The following WDR93 variants were observed in gnomAD, a reference collection of about 807,000 sequenced individuals.
WDR93 encodes the protein WD repeat domain 93.
WDR93 carries 73 observed loss-of-function variants against 82.9 expected under a neutral mutation model. The ratio of observed to expected loss-of-function variants is 0.88; its 90% CI spans 0.73 to 1.07. The LOEUF is 1.07. Ranked by LOEUF, WDR93 falls within the 50% of genes least tolerant of loss-of-function variation. The pLI is 0.00. For synonymous variants in WDR93, 283 were observed against 300.1 expected, an observed-to-expected ratio of 0.94 and a Z score of 0.59; for missense variants, 738 against 826.0, an observed-to-expected ratio of 0.89 and a Z score of 1.31.
chr15:89,701,857 T>C lies in WDR93; in HGVS notation c.111T>C (p.Asp37=), dbSNP rs769106843. 1.9e-6 allele frequency: 3 copies of C among 1,614,218 alleles called. No individual in the cohort carries two copies. In the East Asian group the frequency reaches 6.7e-5, roughly 36 times the overall value. Residue 37 remains aspartate (D), a synonymous_variant, in exon 2 of 17, where the codon GAT becomes GAC. Coordinates refer to ENST00000268130, the MANE Select transcript of WDR93 (RefSeq NM_020212.2). ...CAGAGAAGGACTGGCCTAAAGACGA[T>C]GAACAGGATCATGTCCTCGTGGATC... The part of the protein sequence containing the change: ...PPTEKDWPKD[D]EQDHVLVDPD...
At chr15:89,728,978 C>A in intron 9 of WDR93, 45 bp from the exon 10 acceptor site, 1 of 1,544,326 alleles carries the variant, frequency 6.5e-7, no homozygotes, top group Non-Finnish European at 9.0e-7. Context: ...GCTCTCCTTG[C>A]CAGGGAGTCT....
At chr15:89,690,554 G>T (rs1037401049), upstream of WDR93, 13 of 1,545,850 alleles carry the variant, frequency 8.4e-6, no homozygotes, top group Non-Finnish European at 1.1e-5. Context: ...GAAAGGGGCG[G>T]AGGCCGCTGG....
chr15:89,731,221 C>G (rs1312455956), intron 11 of WDR93, among the ~76,000 whole-genome samples: 1 of 152,188 alleles, frequency 6.6e-6, no homozygotes, highest in Non-Finnish European at 1.5e-5. Context: ...ACTCATTAAA[C>G]ATTAGCTGTA....
intron 14 of WDR93, among the ~76,000 whole-genome samples, chr15:89,736,855 A>T (rs1038770460): frequency 6.7e-6 from 1 of 149,408 alleles, no homozygotes; most frequent in Non-Finnish European, 1.5e-5. Context: ...GCAGTGGTGC[A>T]ATCTTGGCTC....
intron 4 of WDR93, among the ~76,000 whole-genome samples, chr15:89,706,857 G>A (rs1034130163): frequency 2.0e-5 from 3 of 152,128 alleles, no homozygotes; most frequent in African/African-American, 2.4e-5. Context: ...CTTCTAGGCT[G>A]AAACATAGGA....
At chr15:89,724,637 A>C (rs1412969608) in intron 8 of WDR93, among the ~76,000 whole-genome samples, 1 of 152,230 alleles carries the variant, frequency 6.6e-6, no homozygotes, top group African/African-American at 2.4e-5. Flanking sequence ...AATCCAGTAC[A>C]AAACATGCAA....
At chr15:89,736,292 C>G (rs989861319) in intron 14 of WDR93, among the ~76,000 whole-genome samples, 2 of 152,180 alleles carry the variant, frequency 1.3e-5, no homozygotes, top group Non-Finnish European at 2.9e-5. Flanking sequence ...GGGCCCACTT[C>G]AGGCCTGGAG....
rs781227247 is a variant in WDR93, at chr15:89,738,164, G to C, written c.1889G>C (p.Arg630Thr). The C allele has an allele frequency of 6.2e-7, 1 of 1,614,204 alleles. No individual in the cohort carries two copies. The highest frequency in any genetic ancestry group is 1.7e-5 in the Admixed American group (1 of 60,030). Residue 630 changes from arginine (R) to threonine (T), a missense_variant, in exon 16 of 17, where the codon AGG becomes ACG. Physicochemically the swap from Arg to Thr is moderately conservative, Grantham distance 71. Coordinates refer to ENST00000268130, the MANE Select transcript of WDR93 (RefSeq NM_020212.2). ...NISKNCTIPQ[R>T]DLDNMAFPQA... is the part of the protein sequence containing the mutation. ...TCAAAAAATTGTACCATTCCTCAAA[G>C]GGACTTGGATAACATGGCCTTCCCC...
intron 8 of WDR93, 152 bp downstream of exon 8, chr15:89,722,291 G>A: frequency 1.7e-6 from 1 of 590,968 alleles, no homozygotes; most frequent in Non-Finnish European, 2.9e-6. Flanking sequence ...CATAAGCTCT[G>A]AGACATTAAA....
rs959352083 is a variant in WDR93 at position 89,743,517 on chromosome 15, G to T, written c.*126G>T. The T allele has an allele frequency of 2.3e-5, 20 of 853,852 alleles. No homozygotes were observed. The African/African-American group carries it at 2.7e-4, about 12-fold the overall frequency. 52.9% of individuals were successfully genotyped at this position (853,852 alleles called of 1,614,324 possible). ...CACAGGCCTGCACTCGGAGTCTGGG[G>T]CCTCTGCAGAGCCAGCAAGGGGAAA... is the stretch of plus-strand genomic sequence containing the variant. On this transcript the variant is annotated 3_prime_UTR_variant, in exon 17 of 17. Coordinates refer to ENST00000268130, the MANE Select transcript of WDR93 (RefSeq NM_020212.2).
At chr15:89,722,267 AT>A (rs922952015) in intron 8 of WDR93, 128 bp downstream of exon 8, 133 of 777,802 alleles carry the variant, frequency 1.7e-4, no homozygotes, top group East Asian at 2.8e-4. Flanking sequence ...TGAAGAGGAA[AT>A]TTTTTTTAAA....
At chr15:89,692,797 G>C (rs772722994) in intron 1 of WDR93, among the ~76,000 whole-genome samples, 1 of 151,980 alleles carries the variant, frequency 6.6e-6, no homozygotes, top group Non-Finnish European at 1.5e-5. Context: ...TAGTAGAGAT[G>C]GTGTTTCACC....
intron 7 of WDR93, 96 bp downstream of exon 7, chr15:89,717,045 C>CTTTTTTTTTTTTTTTTT (rs11457156): frequency 1.3e-4 from 23 of 172,166 alleles, no homozygotes; most frequent in Admixed American, 4.1e-4. Flanking sequence ...CTTTTTCTTT[C>CTTTTTTTTTTTTTTTTT]TTTTTTTTTT....
chr15:89,716,286 A>C (rs554593644), intron 6 of WDR93, among the ~76,000 whole-genome samples: 1 of 152,208 alleles, frequency 6.6e-6, no homozygotes, highest in Non-Finnish European at 1.5e-5. Context: ...TTATCCTGTT[A>C]TACATGAAAA....
chr15:89,740,383 G>A (rs916061288), intron 16 of WDR93, among the ~76,000 whole-genome samples: 1 of 152,200 alleles, frequency 6.6e-6, no homozygotes, highest in Non-Finnish European at 1.5e-5. Context: ...GACGAATATG[G>A]TCTCATGAGT....
intron 1 of WDR93, among the ~76,000 whole-genome samples, chr15:89,696,488 G>A (rs548446716): frequency 1.3e-5 from 2 of 151,566 alleles, no homozygotes; most frequent in Non-Finnish European, 2.9e-5. Flanking sequence ...GGTGGTGGTG[G>A]TGGTGGTGGT....
chr15:89,734,982 G>A (rs185995772), intron 13 of WDR93, among the ~76,000 whole-genome samples: 17 of 149,366 alleles, frequency 1.1e-4, no homozygotes, highest in Admixed American at 8.0e-4. Flanking sequence ...CCTTCCCTCC[G>A]TCCCTCCTTC....
chr15:89,732,320 C>T lies in WDR93; in HGVS notation c.1331-686C>T, dbSNP rs1247209285. 3.3e-5 allele frequency among the ~76,000 whole-genome samples: 5 copies of T among 152,060 alleles called. No individual in the cohort carries two copies. In the East Asian group the frequency reaches 9.6e-4, roughly 29 times the overall value. ...TTTGTTGGGTAGCTTGTGATCAGACCAGGGAGTTGACTGTTCTCAGGGAGG... is the reference window on the plus strand; with the variant it reads ...TTTGTTGGGTAGCTTGTGATCAGACTAGGGAGTTGACTGTTCTCAGGGAGG... On this transcript the variant is annotated intron_variant, in intron 12 of 16. Transcript: ENST00000268130.
At chr15:89,694,354 C>A (rs906843876) in intron 1 of WDR93, among the ~76,000 whole-genome samples, 14 of 151,148 alleles carry the variant, frequency 9.3e-5, no homozygotes, top group Non-Finnish European at 1.5e-4. Flanking sequence ...CCTGCCTCAG[C>A]CCCCCGAGTA....
Sources: allele counts gnomAD v4.1 joint callset (sites outside exome capture counted in the v4.1 genomes callset), GRCh38; gene constraint gnomAD v4.1.1; transcripts MANE v1.5; gene names NCBI Gene and HGNC (gene_info 2026-07-23, HGNC 2026-07-21).